TNNT3: variants seen among roughly 807,000 people sequenced by gnomAD.
The protein encoded by TNNT3 is troponin T3, fast skeletal type, also known as troponin T, fast skeletal muscle.
Under a neutral mutation model 54.2 loss-of-function variants are expected in TNNT3, and 36 were observed. The ratio of observed to expected loss-of-function variants is 0.66; its 90% CI spans 0.51 to 0.88. TNNT3 has a LOEUF of 0.88. Among genes scored for constraint, TNNT3 ranks in the 40% least tolerant of loss-of-function variants. The pLI, the probability that TNNT3 is intolerant of heterozygous loss-of-function variation, is 0.00. For missense variants in TNNT3, 291 were observed against 331.6 expected (o/e 0.88, Z 0.95); for synonymous variants, 120 against 109.7 (o/e 1.09, Z -0.59).
At chr11:1,936,798 G>T (rs920125301) in intron 14 of TNNT3, among the ~76,000 whole-genome samples, 165 bp from the exon 15 acceptor site, 1 of 152,220 alleles carries the variant, frequency 6.6e-6, no homozygotes. Flanking sequence ...GTGTCCCCCT[G>T]CACAAGGAGC....
chr11:1,932,324 A>G, intron 8 of TNNT3, 145 bp from the exon 9 acceptor site: 1 of 797,912 alleles, frequency 1.3e-6, no homozygotes, highest in South Asian at 1.3e-5. Flanking sequence ...GCTGGGGCAA[A>G]CGTGTCACTA....
At chr11:1,926,749 T>C in intron 6 of TNNT3, 40 bp downstream of exon 6, 1 of 1,612,512 alleles carries the variant, frequency 6.2e-7, no homozygotes, top group Non-Finnish European at 8.5e-7. Flanking sequence ...AGAGTCTCCG[T>C]CCTCCCTTCT....
chr11:1,926,984 G>C (rs1295473326), intron 6 of TNNT3, among the ~76,000 whole-genome samples: 2 of 152,208 alleles, frequency 1.3e-5, no homozygotes, highest in African/African-American at 2.4e-5. Context: ...GTGGGAGGTG[G>C]GGGTGGCCAG....
intron 1 of TNNT3, among the ~76,000 whole-genome samples, chr11:1,920,423 C>T (rs959699621): frequency 6.6e-5 from 10 of 152,140 alleles, no homozygotes; most frequent in African/African-American, 2.2e-4. Flanking sequence ...TGGGCTTCAT[C>T]GCGTCCCCCT....
At chr11:1,934,690 G>T (rs753518528) in intron 13 of TNNT3, 35 bp downstream of exon 13, 1 of 1,605,894 alleles carries the variant, frequency 6.2e-7, no homozygotes, top group Non-Finnish European at 8.5e-7. Context: ...CAGCCCCACG[G>T]GGTGGCCCCT....
intron 7 of TNNT3, 96 bp from the exon 8 acceptor site, chr11:1,929,714 A>C: frequency 7.1e-7 from 1 of 1,403,638 alleles, no homozygotes. Flanking sequence ...GTGAAGGGGA[A>C]CCCAGGGCCG....
chr11:1,932,394 G>A (rs374524514), intron 8 of TNNT3, 75 bp from the exon 9 acceptor site: 68 of 1,475,770 alleles, frequency 4.6e-5, no homozygotes, highest in Middle Eastern at 2.2e-4. Context: ...AGGGGCCAGC[G>A]GGGAAAGCGC....
chr11:1,925,240 C>G, intron 5 of TNNT3, 124 bp downstream of exon 5: 1 of 1,607,760 alleles, frequency 6.2e-7, no homozygotes, highest in Non-Finnish European at 8.5e-7. Flanking sequence ...CTCCTCTCTC[C>G]CCCGGCTCTC....
At chr11:1,920,982 C>T (rs748686736) in intron 1 of TNNT3, among the ~76,000 whole-genome samples, 29 of 152,268 alleles carry the variant, frequency 1.9e-4, no homozygotes, top group Admixed American at 1.4e-3. Flanking sequence ...TTCCAGCGCA[C>T]GTCGGGGGGC....
At chr11:1,936,246 G>A in intron 14 of TNNT3, 1 of 1,613,726 alleles carries the variant, frequency 6.2e-7, no homozygotes, top group Non-Finnish European at 8.5e-7. Context: ...TGCAGATGCT[G>A]GCCAAGTTGT....
intron 9 of TNNT3, among the ~76,000 whole-genome samples, chr11:1,933,406 G>A (rs1854011705): frequency 6.6e-6 from 1 of 152,096 alleles, no homozygotes; most frequent in South Asian, 2.1e-4. Context: ...CCAGGCCCAT[G>A]CAGGGCATCT....
chr11:1,937,263 C>A (rs540015380), intron 15 of TNNT3, among the ~76,000 whole-genome samples: 183 of 152,200 alleles, frequency 1.2e-3, no homozygotes, highest in African/African-American at 4.3e-3. Context: ...CCTGTCACGC[C>A]CTCGCCCCGA....
chr11:1,937,116 C>T (rs987435047), intron 15 of TNNT3, 113 bp downstream of exon 15: 26 of 1,196,130 alleles, frequency 2.2e-5, no homozygotes, highest in Admixed American at 4.0e-5. Flanking sequence ...AGGGCAGTAA[C>T]GAGACTAACC....
intron 1 of TNNT3, among the ~76,000 whole-genome samples, chr11:1,921,022 G>A (rs1223564684): frequency 6.6e-6 from 1 of 152,120 alleles, no homozygotes; most frequent in African/African-American, 2.4e-5. Flanking sequence ...AGGGTGTTGG[G>A]GCACCCATGT....
chr11:1,923,335 C>G (rs1380854532), intron 3 of TNNT3, among the ~76,000 whole-genome samples: 1 of 152,090 alleles, frequency 6.6e-6, no homozygotes, highest in Admixed American at 6.5e-5. Context: ...GGGACGTGGG[C>G]ATCCAGGACC....
intron 15 of TNNT3, among the ~76,000 whole-genome samples, chr11:1,937,564 C>T (rs1019350572): frequency 1.3e-5 from 2 of 152,212 alleles, no homozygotes; most frequent in African/African-American, 4.8e-5. Flanking sequence ...GGGCTGCACC[C>T]AGGGTGCCCC....
chr11:1,928,946 C>A, intron 6 of TNNT3, 174 bp from the exon 7 acceptor site: 19 of 676,750 alleles, frequency 2.8e-5, no homozygotes, highest in African/African-American at 3.5e-5. Flanking sequence ...GGCATTGATT[C>A]ACCGGCCCCA....
At chr11:1,924,310 C>T (rs545217865) in intron 4 of TNNT3, among the ~76,000 whole-genome samples, 11 of 152,292 alleles carry the variant, frequency 7.2e-5, no homozygotes, top group African/African-American at 2.4e-4. Flanking sequence ...CCATCGTGCC[C>T]GGGCAGGCGT....
At chr11:1,934,254 G>C in intron 11 of TNNT3, 78 bp from the exon 12 acceptor site, 1 of 1,356,304 alleles carries the variant, frequency 7.4e-7, no homozygotes, top group Non-Finnish European at 1.0e-6. Flanking sequence ...TCTAAGCCCA[G>C]GGTGGGTCCC....
Sources: allele counts gnomAD v4.1 joint callset (sites outside exome capture counted in the v4.1 genomes callset), GRCh38; gene constraint gnomAD v4.1.1; transcripts MANE v1.5; gene names NCBI Gene and HGNC (gene_info 2026-07-23, HGNC 2026-07-21).